Variants in SEMA3E observed in about 807,000 individuals in gnomAD.
SEMA3E encodes the protein semaphorin-3E.
In SEMA3E, 49 loss-of-function variants were observed where a neutral mutation model predicts 93.6. The observed-to-expected ratio is 0.52, with a 90% CI of 0.42 to 0.66. SEMA3E has a LOEUF of 0.66. Ranked by LOEUF, SEMA3E falls within the 30% of genes least tolerant of loss-of-function variation. The pLI, the probability that SEMA3E is intolerant of heterozygous loss-of-function variation, is 0.00. For synonymous variants in SEMA3E, 363 were observed against 330.7 expected (o/e 1.10, Z -1.06); for missense variants, 906 against 964.8 (o/e 0.94, Z 0.81).
intron 14 of SEMA3E, among the ~76,000 whole-genome samples, chr7:83,388,074 G>T (rs961092203): frequency 6.7e-6 from 1 of 148,296 alleles, no homozygotes; most frequent in Non-Finnish European, 1.5e-5. Flanking sequence ...ACTTTGGGAG[G>T]CCAAGACGGG....
At chr7:83,405,546 C>A (rs747611737) in intron 8 of SEMA3E, 27 bp from the exon 9 acceptor site, 3 of 1,595,640 alleles carry the variant, frequency 1.9e-6, no homozygotes, top group Non-Finnish European at 2.6e-6. Context: ...CATTCCATCG[C>A]TTAGTATTTT....
At chr7:83,455,298 C>T (rs996471403) in intron 4 of SEMA3E, among the ~76,000 whole-genome samples, 2 of 152,160 alleles carry the variant, frequency 1.3e-5, no homozygotes, top group African/African-American at 2.4e-5. Flanking sequence ...GAGGTTTGAG[C>T]AGAAAAATTC....
At chr7:83,592,629 G>T (rs769762797) in intron 1 of SEMA3E, among the ~76,000 whole-genome samples, 18 of 152,132 alleles carry the variant, frequency 1.2e-4, no homozygotes, top group Non-Finnish European at 2.4e-4. Context: ...GGTTCAATTT[G>T]CTATGCAAGA....
chr7:83,648,634 G>T lies in SEMA3E; in HGVS notation c.-92C>A. The stretch of plus-strand genomic sequence containing the variant: ...TTCCCTCCAGGGGCAGCGTGCGAGA[G>T]GCTTTGTCAGAAATCGAACGCGTTG... On this transcript the variant is annotated 5_prime_UTR_variant, in exon 1 of 17. Coordinates refer to ENST00000643230, the MANE Select transcript of SEMA3E (RefSeq NM_012431.3). 1.1e-6 allele frequency: 1 copy of T among 915,328 alleles called. No individual in the cohort carries two copies. The highest frequency in any genetic ancestry group is 2.6e-5 in the East Asian group (1 of 38,422). The allele number at this position is 915,328 out of a possible 1,614,324, so 56.7% of individuals were successfully genotyped here.
intron 4 of SEMA3E, among the ~76,000 whole-genome samples, chr7:83,449,249 G>A (rs6952878): frequency 0.52 from 78,013 of 151,296 alleles, 22,745 homozygotes; most frequent in East Asian, 0.87. Context: ...ACAGGCATGC[G>A]CCACCACGCC....
chr7:83,511,300 T>A (rs1790813502), intron 1 of SEMA3E, among the ~76,000 whole-genome samples: 1 of 150,922 alleles, frequency 6.6e-6, no homozygotes, highest in Non-Finnish European at 1.5e-5. Context: ...TTTTTTTTTT[T>A]AATGAGAAAA....
At chr7:83,647,889 T>C (rs302115) in intron 1 of SEMA3E, among the ~76,000 whole-genome samples, 2,028 of 152,302 alleles carry the variant, frequency 0.013, 43 homozygotes, top group African/African-American at 0.046. Context: ...TTAATCATTT[T>C]AATTACATGA....
intron 1 of SEMA3E, among the ~76,000 whole-genome samples, chr7:83,575,001 A>G (rs911731871): frequency 1.3e-5 from 2 of 152,168 alleles, no homozygotes; most frequent in South Asian, 4.1e-4. Flanking sequence ...TGGAAATGAG[A>G]GACTGTCTCT....
chr7:83,538,245 T>C (rs754523594), intron 1 of SEMA3E, among the ~76,000 whole-genome samples: 4 of 152,184 alleles, frequency 2.6e-5, no homozygotes, highest in African/African-American at 9.6e-5. Flanking sequence ...ATAGGGCAAC[T>C]AATCATTTGA....
chr7:83,491,071 T>C (rs1243431177), intron 1 of SEMA3E, among the ~76,000 whole-genome samples: 8 of 152,110 alleles, frequency 5.3e-5, no homozygotes, highest in Non-Finnish European at 1.2e-4. Context: ...AGAGGCCCTT[T>C]GGCAAATGCT....
intron 2 of SEMA3E, among the ~76,000 whole-genome samples, chr7:83,476,662 G>A (rs59060285): frequency 0.014 from 2,091 of 152,256 alleles, 55 homozygotes; most frequent in African/African-American, 0.048. Flanking sequence ...AAGCCATCAC[G>A]TAAAAATGTT....
chr7:83,376,880 T>A (rs1447493783), intron 16 of SEMA3E, among the ~76,000 whole-genome samples: 1 of 151,970 alleles, frequency 6.6e-6, no homozygotes, highest in Non-Finnish European at 1.5e-5. Context: ...AATAAAAAGA[T>A]CAATAATGAT....
intron 2 of SEMA3E, among the ~76,000 whole-genome samples, chr7:83,489,109 A>T (rs1019931584): frequency 4.6e-5 from 7 of 152,090 alleles, no homozygotes; most frequent in African/African-American, 1.7e-4. Context: ...AAGTTTTGGT[A>T]TAATTATTTT....
At chr7:83,453,851 A>T (rs1789416396) in intron 4 of SEMA3E, among the ~76,000 whole-genome samples, 2 of 152,148 alleles carry the variant, frequency 1.3e-5, no homozygotes, top group African/African-American at 2.4e-5. Flanking sequence ...ATAATGTTAT[A>T]AAAATGTAAA....
intron 1 of SEMA3E, among the ~76,000 whole-genome samples, chr7:83,498,485 C>CTT (rs879793625): frequency 7.4e-6 from 1 of 135,844 alleles, no homozygotes; most frequent in African/African-American, 2.6e-5. Flanking sequence ...GGCACATTCA[C>CTT]TTTTTTTTTT....
At position 83,394,319 on chromosome 7, in the gene SEMA3E, G is replaced by T; in HGVS notation, c.1478C>A (p.Ser493Tyr). 6.2e-7 allele frequency: 1 copy of T among 1,612,914 alleles called. No individual in the cohort carries two copies. Among genetic ancestry groups the T allele is most frequent in the Non-Finnish European group, 8.5e-7 (1 of 1,179,636 alleles). The part of the protein sequence containing the change: ...QIFKDPVPII[S>Y]MEISSKRQQL... ...TACCCGCTTTGAAGAAATCTCCATA[G>T]AAATAATAGGAACTGGATCCTGAAA... Residue 493 changes from serine to tyrosine, a missense_variant, in exon 13 of 17, where the codon TCT becomes TAT. Transcript: ENST00000643230.
chr7:83,521,738 T>C (rs1369287414), intron 1 of SEMA3E, among the ~76,000 whole-genome samples: 1 of 152,110 alleles, frequency 6.6e-6, no homozygotes, highest in African/African-American at 2.4e-5. Flanking sequence ...TGTCTGGTGT[T>C]GTCCTCACAG....
At chr7:83,458,389 A>C (rs888478980) in intron 4 of SEMA3E, among the ~76,000 whole-genome samples, 1 of 151,962 alleles carries the variant, frequency 6.6e-6, no homozygotes, top group African/African-American at 2.4e-5. Flanking sequence ...ACTGGAGATC[A>C]ATTAAGAATA....
intron 4 of SEMA3E, among the ~76,000 whole-genome samples, chr7:83,427,863 C>T (rs1788803542): frequency 6.6e-6 from 1 of 152,192 alleles, no homozygotes; most frequent in Admixed American, 6.5e-5. Flanking sequence ...GAATGTTGGT[C>T]ACGACTTACA....
Sources: allele counts gnomAD v4.1 joint callset (sites outside exome capture counted in the v4.1 genomes callset), GRCh38; gene constraint gnomAD v4.1.1; transcripts MANE v1.5; gene names NCBI Gene and HGNC (gene_info 2026-07-23, HGNC 2026-07-21).